Variants in PTGR2 observed in about 807,000 individuals in gnomAD.
PTGR2 encodes the protein prostaglandin reductase 2.
PTGR2 carries 32 observed loss-of-function variants against 43.4 expected under a neutral mutation model. That is an observed-to-expected ratio of 0.74 (90% CI 0.56 to 0.99). The LOEUF (loss-of-function observed/expected upper bound fraction) is 0.99, where lower values mean the gene tolerates loss of function less well. PTGR2 is among the 50% of genes least tolerant of loss of function. The pLI is 0.00. For missense variants in PTGR2, 373 were observed against 420.0 expected (o/e 0.89, Z 0.98); for synonymous variants, 106 against 139.2 (o/e 0.76, Z 1.68).
chr14:73,874,115 A>G lies in PTGR2; in HGVS notation c.249A>G (p.Glu83=). The change falls in exon 4 of 10, where the codon GAA becomes GAG. Residue 83 remains glutamate, a synonymous_variant. Coordinates refer to ENST00000555661, the MANE Select transcript of PTGR2 (RefSeq NM_001146154.2). ...ATGGAGGAGGTATTGGAATTATAGA[A>G]GAAAGCAAACACACAAATTTGACTA... is the stretch of plus-strand genomic sequence containing the variant. ...VVDGGGIGII[E]ESKHTNLTKG... is the part of the protein sequence containing the mutation. 6.2e-7 allele frequency: 1 copy of G among 1,614,056 alleles called. No individual in the cohort carries two copies. The highest frequency in any genetic ancestry group is 8.5e-7 in the Non-Finnish European group (1 of 1,179,946).
rs561311346 is a variant in PTGR2, at chr14:73,879,347, T to C, written c.729+42T>C. Reference sequence around the variant, plus strand: ...TATAACAAATTTGAATACTGCACTTTATATGTTGTGATATCTTTTTACCTA... The same window carrying C: ...TATAACAAATTTGAATACTGCACTTCATATGTTGTGATATCTTTTTACCTA... On this transcript the variant is annotated intron_variant, in intron 6 of 9. Coordinates refer to ENST00000555661, the MANE Select transcript of PTGR2 (RefSeq NM_001146154.2). 1.9e-6 allele frequency: 3 copies of C among 1,552,718 alleles called. No individual in the cohort carries two copies. The South Asian group carries it at 3.4e-5, about 18-fold the overall frequency.
chr14:73,864,068 C>T (rs983946179), intron 3 of PTGR2, among the ~76,000 whole-genome samples: 2 of 152,128 alleles, frequency 1.3e-5, no homozygotes, highest in Admixed American at 1.3e-4. Context: ...TAATATATGA[C>T]CTTTTGTGTC....
intron 3 of PTGR2, among the ~76,000 whole-genome samples, chr14:73,863,317 T>C (rs2054535173): frequency 6.6e-6 from 1 of 152,080 alleles, no homozygotes; most frequent in African/African-American, 2.4e-5. Context: ...TTCTTTTTTG[T>C]TGTTTTTAAG....
chr14:73,857,825 C>T (rs1250750968), intron 1 of PTGR2, among the ~76,000 whole-genome samples: 6 of 151,546 alleles, frequency 4.0e-5, no homozygotes, highest in Non-Finnish European at 7.4e-5. Context: ...CCCGCTACCA[C>T]GCCTGGCTTA....
intron 6 of PTGR2, chr14:73,879,630 C>A: frequency 4.2e-6 from 1 of 239,916 alleles, no homozygotes; most frequent in Non-Finnish European, 8.0e-6. Context: ...CAACTCACAG[C>A]CATGGCCCCA....
Position 73,880,088 on chromosome 14 carries a change from CA to C in PTGR2, c.766del (p.Ile256PhefsTer18). 1 of 1,613,650 alleles carries C rather than the reference CA, an allele frequency of 6.2e-7. No homozygotes were observed. The highest frequency in any genetic ancestry group is 8.5e-7 in the Non-Finnish European group (1 of 1,179,692). On this transcript the variant is annotated frameshift_variant, in exon 7 of 10. Coordinates refer to ENST00000555661, the MANE Select transcript of PTGR2 (RefSeq NM_001146154.2). ...GAACAGCCACATCATCCTGTGTGGT[CA>C]AATTTCTCAGTACAACAAAGATGTG... ...NENSHIILCG[Q>X]ISQYNKDVPY...
intron 8 of PTGR2, 34 bp downstream of exon 8, chr14:73,881,326 C>T: frequency 1.6e-6 from 2 of 1,242,032 alleles, no homozygotes; most frequent in East Asian, 2.3e-5. Flanking sequence ...TATAATTCTT[C>T]CTGCTACTTG....
At chr14:73,868,979 C>T (rs2054665664) in intron 3 of PTGR2, among the ~76,000 whole-genome samples, 1 of 152,072 alleles carries the variant, frequency 6.6e-6, no homozygotes, top group Non-Finnish European at 1.5e-5. Context: ...AACAGAGTCC[C>T]AGGTACATAT....
intron 1 of PTGR2, among the ~76,000 whole-genome samples, chr14:73,853,202 G>T (rs1401099870): frequency 6.9e-5 from 9 of 131,160 alleles, no homozygotes; most frequent in Non-Finnish European, 9.9e-5. Context: ...GGTATTAAAA[G>T]GTATTAGGAA....
rs1251366345 is a variant in PTGR2, at chr14:73,884,667, G to C, written c.*490G>C. 6.5e-6 allele frequency: 1 copy of C among 153,846 alleles called. No individual in the cohort carries two copies. Among genetic ancestry groups the C allele is most frequent in the African/African-American group, 2.4e-5 (1 of 41,386 alleles). The allele number at this position is 153,846 out of a possible 1,614,324, so 9.5% of individuals were successfully genotyped here. A position where few individuals can be genotyped will look rare whatever the true frequency, so the allele number is the denominator to read the frequency against. ...GAGATGGCCTTTTTTTCACATTGTA[G>C]ACTGAAAAGAGACTTAATGGTATGA... On this transcript the variant is annotated 3_prime_UTR_variant, in exon 10 of 10. Transcript: ENST00000555661.
At chr14:73,869,421 C>T (rs1169892330) in intron 3 of PTGR2, among the ~76,000 whole-genome samples, 1 of 151,734 alleles carries the variant, frequency 6.6e-6, no homozygotes, top group Non-Finnish European at 1.5e-5. Context: ...ACTCTGGAGG[C>T]TGAGGCGGGA....
chr14:73,867,088 C>CAAAAAAAAAAAAAAAACAAA (rs2054613515), intron 3 of PTGR2, among the ~76,000 whole-genome samples: 1 of 100,096 alleles, frequency 1.0e-5, no homozygotes, highest in Non-Finnish European at 1.9e-5. Flanking sequence ...GACTCTGTCT[C>CAAAAAAAAAAAAAAAACAAA]AAAAAAAAAA....
At chr14:73,863,543 CTGTT>C (rs2054539812) in intron 3 of PTGR2, among the ~76,000 whole-genome samples, 1 of 151,194 alleles carries the variant, frequency 6.6e-6, no homozygotes, top group Non-Finnish European at 1.5e-5. Flanking sequence ...AAAGAATAAA[CTGTT>C]ATTTATTTAT....
intron 1 of PTGR2, 172 bp from the exon 2 acceptor site, chr14:73,858,642 GTC>G: frequency 2.5e-6 from 1 of 393,888 alleles, no homozygotes; most frequent in Non-Finnish European, 4.7e-6. Flanking sequence ...ACTAGATTTA[GTC>G]TTTCTTCATA....
chr14:73,871,970 C>G (rs1299718198), intron 3 of PTGR2, among the ~76,000 whole-genome samples: 1 of 152,160 alleles, frequency 6.6e-6, no homozygotes, highest in Non-Finnish European at 1.5e-5. Flanking sequence ...GAAGCTTCTG[C>G]ATCAGTTCTC....
chr14:73,858,919 G>C lies in PTGR2; in HGVS notation c.37+20G>C. On this transcript the variant is annotated intron_variant, in intron 2 of 9. Transcript: ENST00000555661. ...GACCTGGTATGTATTTGCGATGAAT[G>C]AACAACTCTGATCTTTGATAAGTAT... 1 of 1,589,980 alleles carries C rather than the reference G, an allele frequency of 6.3e-7. No homozygotes were observed. The highest frequency in any genetic ancestry group is 8.6e-7 in the Non-Finnish European group (1 of 1,159,686).
chr14:73,874,195 A>T lies in PTGR2; in HGVS notation c.329A>T (p.Asp110Val), dbSNP rs1331496532. ...YWPWQTKVIL[D>V]GNSLEKVDPQ... ...CCCTGGCAAACCAAGGTTATTCTGG[A>T]TGGAAATAGCCTTGAAAAGGTGATA... Residue 110 changes from aspartate (D) to valine (V), a missense_variant, in exon 4 of 10, where the codon GAT becomes GTT. Physicochemically the swap from Asp to Val is radical, Grantham distance 152. Transcript: ENST00000555661. 1 of 1,612,984 alleles carries T rather than the reference A, an allele frequency of 6.2e-7. No individual in the cohort carries two copies. The highest frequency in any genetic ancestry group is 1.1e-5 in the South Asian group (1 of 90,834).
At chr14:73,865,776 G>A (rs574571954) in intron 3 of PTGR2, among the ~76,000 whole-genome samples, 3 of 151,650 alleles carry the variant, frequency 2.0e-5, no homozygotes, top group East Asian at 1.9e-4. Context: ...ATTTGACCAC[G>A]AAGGGACATG....
rs2054754534 is a variant in PTGR2, at chr14:73,872,284, A to G, written c.157-1739A>G. Among the ~76,000 whole-genome samples the G allele has an allele frequency of 2.6e-5, 4 of 152,194 alleles. No homozygotes were observed. In the South Asian group the frequency reaches 8.3e-4, roughly 31 times the overall value. ...GGAGCGTACTTGGTCTGAAGTTGGG[A>G]TGAGCAACTGTATAAAATTCACTTC... On this transcript the variant is annotated intron_variant, in intron 3 of 9. Coordinates refer to ENST00000555661, the MANE Select transcript of PTGR2 (RefSeq NM_001146154.2).
Sources: gnomAD v4.1 joint callset for allele counts (sites outside exome capture counted in the v4.1 genomes callset) on GRCh38, gnomAD v4.1.1 for gene constraint, MANE v1.5 for transcripts, NCBI Gene and HGNC (gene_info 2026-07-23, HGNC 2026-07-21) for gene names.